The following SNX29 variants were observed in gnomAD, a reference collection of about 807,000 sequenced individuals.
SNX29 encodes the protein sorting nexin 29, also known as sorting nexin-29.
A neutral mutation model predicts 102.1 loss-of-function variants in SNX29; 78 were observed. The observed-to-expected ratio is 0.76, with a 90% CI of 0.64 to 0.92. The LOEUF is 0.92. Ranked by LOEUF, SNX29 falls within the 40% of genes least tolerant of loss-of-function variation. The pLI is 0.00. For missense variants in SNX29, 1,280 were observed against 1,061.7 expected (o/e 1.21, Z -2.86); for synonymous variants, 580 against 414.5 (o/e 1.40, Z -4.85).
chr16:12,138,498 A>G (rs2054746373), intron 13 of SNX29, among the ~76,000 whole-genome samples: 1 of 152,076 alleles, frequency 6.6e-6, no homozygotes, highest in Non-Finnish European at 1.5e-5. Flanking sequence ...GTGAGCCACC[A>G]TGCCCAACCT....
chr16:12,187,048 C>T (rs1334045250), intron 13 of SNX29, among the ~76,000 whole-genome samples: 1 of 152,304 alleles, frequency 6.6e-6, no homozygotes, highest in East Asian at 1.9e-4. Context: ...TGATGGGTCC[C>T]GGAGGAATCC....
At chr16:12,188,354 A>G (rs552072209) in intron 13 of SNX29, among the ~76,000 whole-genome samples, 20 of 152,350 alleles carry the variant, frequency 1.3e-4, no homozygotes, top group African/African-American at 4.8e-4. Context: ...GAGGTAGAGC[A>G]AGCATTCCCG....
chr16:12,042,166 G>A (rs1056075335), intron 4 of SNX29, among the ~76,000 whole-genome samples: 5 of 152,112 alleles, frequency 3.3e-5, no homozygotes, highest in African/African-American at 1.2e-4. Flanking sequence ...CGGTAGGTGG[G>A]ATTACAGGTG....
chr16:12,538,858 G>A (rs764366203), intron 20 of SNX29, among the ~76,000 whole-genome samples: 1 of 152,116 alleles, frequency 6.6e-6, no homozygotes, highest in African/African-American at 2.4e-5. Context: ...GGGGCACAGA[G>A]AACGGTAGAT....
chr16:12,392,756 G>C (rs1019577), intron 16 of SNX29, among the ~76,000 whole-genome samples: 51,402 of 152,062 alleles, frequency 0.34, 10,734 homozygotes, highest in East Asian at 0.59. Context: ...AAACCACAGA[G>C]AACAAAAACA....
At chr16:12,181,211 T>C (rs1167046287) in intron 13 of SNX29, among the ~76,000 whole-genome samples, 1 of 152,198 alleles carries the variant, frequency 6.6e-6, no homozygotes, top group Non-Finnish European at 1.5e-5. Context: ...TCAGTTAATT[T>C]AGAAAGTTTA....
chr16:11,991,659 C>T (rs1478118702), intron 1 of SNX29, among the ~76,000 whole-genome samples: 1 of 151,500 alleles, frequency 6.6e-6, no homozygotes, highest in East Asian at 1.9e-4. Context: ...TCTCCTGCCT[C>T]AGCCTCCCAA....
intron 18 of SNX29, among the ~76,000 whole-genome samples, chr16:12,436,279 G>A (rs1031900383): frequency 1.3e-5 from 2 of 152,178 alleles, no homozygotes; most frequent in East Asian, 1.9e-4. Flanking sequence ...ACAGGAGGCC[G>A]CAGCTTAAGG....
chr16:12,038,477 C>T (rs2057537530), intron 4 of SNX29, among the ~76,000 whole-genome samples: 1 of 152,178 alleles, frequency 6.6e-6, no homozygotes, highest in South Asian at 2.1e-4. Flanking sequence ...GAACCAGAAG[C>T]CCTTGCCCGC....
At position 12,254,565 on chromosome 16, in the gene SNX29, C is replaced by T. The variant is rs539881010; in HGVS notation, c.1679-23368C>T. ...CTAAGGCAGGAGAATCGCTTGAACC[C>T]GGGAGGCAGAGGTTGCAGTGAGCTG... On this transcript the variant is annotated intron_variant, in intron 14 of 20. Coordinates refer to ENST00000566228, the MANE Select transcript of SNX29 (RefSeq NM_032167.5). 3.9e-4 allele frequency among the ~76,000 whole-genome samples: 60 copies of T among 151,930 alleles called. 1 individual carries two copies. The highest frequency in any genetic ancestry group is 9.7e-4 in the African/African-American group (40 of 41,408).
chr16:12,150,109 G>A (rs1050016333), intron 13 of SNX29, among the ~76,000 whole-genome samples: 1 of 152,142 alleles, frequency 6.6e-6, no homozygotes, highest in African/African-American at 2.4e-5. Context: ...TGGATAGTGG[G>A]CAACTATTGA....
At chr16:12,221,337 A>C (rs1435337250) in intron 14 of SNX29, among the ~76,000 whole-genome samples, 3 of 152,152 alleles carry the variant, frequency 2.0e-5, no homozygotes, top group African/African-American at 7.2e-5. Context: ...CAGATGGACC[A>C]GGTGTGGTGG....
intron 18 of SNX29, among the ~76,000 whole-genome samples, chr16:12,447,133 C>T (rs1447223291): frequency 7.7e-6 from 1 of 129,210 alleles, no homozygotes; most frequent in Non-Finnish European, 1.6e-5. Flanking sequence ...TGCCACTGCA[C>T]TCCAGCCTGG....
At chr16:12,298,926 C>A (rs976420923) in intron 15 of SNX29, among the ~76,000 whole-genome samples, 6 of 150,274 alleles carry the variant, frequency 4.0e-5, no homozygotes, top group Non-Finnish European at 7.4e-5. Flanking sequence ...GGCTTTGATT[C>A]TTTTATTTAT....
At chr16:12,358,651 C>G (rs1195588067) in intron 16 of SNX29, among the ~76,000 whole-genome samples, 1 of 152,214 alleles carries the variant, frequency 6.6e-6, no homozygotes, top group Admixed American at 6.5e-5. Flanking sequence ...GGTCCAGCCC[C>G]GCACCCTGGA....
intron 4 of SNX29, chr16:12,027,664 C>T (rs530595921): frequency 1.7e-5 from 8 of 470,878 alleles, no homozygotes; most frequent in African/African-American, 1.4e-4. Flanking sequence ...TTCTCAGAGC[C>T]ACATGGTACA....
At chr16:11,987,794 G>A (rs1264271900) in intron 1 of SNX29, among the ~76,000 whole-genome samples, 1 of 152,252 alleles carries the variant, frequency 6.6e-6, no homozygotes, top group African/African-American at 2.4e-5. Context: ...AGGACCAGGT[G>A]AAATTGTTAT....
At chr16:12,543,651 C>CGAGA (rs2077447699) in intron 20 of SNX29, among the ~76,000 whole-genome samples, 1 of 152,242 alleles carries the variant, frequency 6.6e-6, no homozygotes, top group African/African-American at 2.4e-5. Context: ...CCGTCTGTCT[C>CGAGA]CAGACGCTCT....
At chr16:12,247,149 C>A (rs1033922485) in intron 14 of SNX29, among the ~76,000 whole-genome samples, 1 of 152,034 alleles carries the variant, frequency 6.6e-6, no homozygotes, top group South Asian at 2.1e-4. Context: ...CCCTATACGA[C>A]GGGGAGAGAA....
Sources: gnomAD v4.1 joint callset for allele counts (sites outside exome capture counted in the v4.1 genomes callset) on GRCh38, gnomAD v4.1.1 for gene constraint, MANE v1.5 for transcripts, NCBI Gene and HGNC (gene_info 2026-07-23, HGNC 2026-07-21) for gene names.